The following MAPK6 variants were observed in gnomAD, a reference collection of about 807,000 sequenced individuals.
MAPK6 encodes the protein mitogen-activated protein kinase 6, also known as ERK-3.
A neutral mutation model predicts 59.3 loss-of-function variants in MAPK6; 19 were observed. That is an observed-to-expected ratio of 0.32 (90% CI 0.22 to 0.47). The LOEUF (loss-of-function observed/expected upper bound fraction) is 0.47. Ranked by LOEUF, MAPK6 falls within the 20% of genes least tolerant of loss-of-function variation. MAPK6 has a pLI of 1.00. For missense variants in MAPK6, 724 were observed against 847.9 expected (o/e 0.85, Z 1.81); for synonymous variants, 316 against 290.3 (o/e 1.09, Z -0.90).
At chr15:52,055,529 T>G (rs1254971013) in intron 3 of MAPK6, among the ~76,000 whole-genome samples, 1 of 152,208 alleles carries the variant, frequency 6.6e-6, no homozygotes, top group Non-Finnish European at 1.5e-5. Context: ...GTTTGTTTGT[T>G]TGTTTTGGAG....
upstream of MAPK6, among the ~76,000 whole-genome samples, chr15:52,018,447 A>G (rs2030344491): frequency 6.6e-6 from 1 of 152,234 alleles, no homozygotes; most frequent in Admixed American, 6.5e-5. Context: ...TTGAAAAAAT[A>G]TGCTGACCTG....
At chr15:52,005,974 C>A (rs959765289) in intron 3 of MAPK6, among the ~76,000 whole-genome samples, 2 of 152,132 alleles carry the variant, frequency 1.3e-5, no homozygotes, top group Non-Finnish European at 2.9e-5. Flanking sequence ...AACTACCAAG[C>A]AGATGGATCT....
intron 5 of MAPK6, among the ~76,000 whole-genome samples, chr15:52,062,926 A>C (rs980711432): frequency 8.5e-5 from 13 of 152,124 alleles, no homozygotes; most frequent in African/African-American, 3.1e-4. Context: ...TTTGGGAACC[A>C]CTAATGCCAA....
At chr15:52,020,216 C>G (rs2030469290) in intron 1 of MAPK6, among the ~76,000 whole-genome samples, 1 of 152,168 alleles carries the variant, frequency 6.6e-6, no homozygotes, top group Non-Finnish European at 1.5e-5. Flanking sequence ...TGAGTTGTGT[C>G]GAAAAGTAAA....
intron 5 of MAPK6, among the ~76,000 whole-genome samples, chr15:52,062,050 T>C (rs542944762): frequency 6.6e-6 from 1 of 152,074 alleles, no homozygotes; most frequent in African/African-American, 2.4e-5. Flanking sequence ...AAGTATTTGA[T>C]TCATATTAGA....
At chr15:52,000,144 G>T (rs1461671246) in intron 2 of MAPK6, among the ~76,000 whole-genome samples, 1 of 151,434 alleles carries the variant, frequency 6.6e-6, no homozygotes, top group African/African-American at 2.4e-5. Context: ...TCTCTGTGTT[G>T]CCCAGGGTTG....
intron 2 of MAPK6, among the ~76,000 whole-genome samples, chr15:51,992,352 A>C (rs1427537242): frequency 6.9e-6 from 1 of 144,996 alleles, no homozygotes; most frequent in African/African-American, 2.6e-5. Context: ...CCCAGGCTGG[A>C]GTGCAGTGGT....
rs1445242994 is a variant in MAPK6, at chr15:52,066,053, CATG to C, written c.*1056_*1058del. ...TCATTATTGTAGTTTGAAAGTTGTA[CATG>C]ATAAGACATTTTGTTTTTACTGTAT... On this transcript the variant is annotated 3_prime_UTR_variant, in exon 6 of 6. Transcript: ENST00000261845. 2.0e-5 allele frequency: 3 copies of C among 152,586 alleles called. No individual in the cohort carries two copies. The highest frequency in any genetic ancestry group is 1.9e-4 in the East Asian group (1 of 5,206). The allele number at this position is 152,586 out of a possible 1,614,324, so 9.5% of individuals were successfully genotyped here.
chr15:52,013,939 T>A lies in MAPK6; in HGVS notation c.-632+9537T>A, dbSNP rs550321093. 8.1e-4 allele frequency among the ~76,000 whole-genome samples: 124 copies of A among 152,316 alleles called. 2 individuals are homozygous for A. Among genetic ancestry groups the A allele is most frequent in the African/African-American group, 2.9e-3 (120 of 41,564 alleles). Reference sequence around the variant, plus strand: ...TCTCTTTAGTGTAAAATCCAAAAGTTTTGGCCTTGTAATCAAGGCCTTCTC... The same window carrying A: ...TCTCTTTAGTGTAAAATCCAAAAGTATTGGCCTTGTAATCAAGGCCTTCTC... On this transcript the variant is annotated intron_variant, in intron 3 of 7. Transcript: ENST00000691380.
rs1491390728 is a variant in MAPK6 at position 52,065,162 on chromosome 15, TGA to T, written c.*165_*166del. On this transcript the variant is annotated 3_prime_UTR_variant, in exon 6 of 6. Coordinates refer to ENST00000261845, the MANE Select transcript of MAPK6 (RefSeq NM_002748.4). ...AATCCAGACTTTCTTTTTCTACATGTGAGATAGTTTTCATTTTAACTGGCATG... is the reference window on the plus strand; with the variant it reads ...AATCCAGACTTTCTTTTTCTACATGTGATAGTTTTCATTTTAACTGGCATG... 2.7e-5 allele frequency: 17 copies of T among 619,244 alleles called. No individual in the cohort carries two copies. In the South Asian group the frequency reaches 3.9e-4, roughly 14 times the overall value. 38.4% of individuals were successfully genotyped at this position (619,244 alleles called of 1,614,324 possible).
Position 52,064,782 on chromosome 15 carries a change from G to T in MAPK6, c.1948G>T (p.Gly650Trp). The change falls in exon 6 of 6, where the codon GGG becomes TGG. Residue 650 changes from glycine to tryptophan, a missense_variant. Transcript: ENST00000261845. Reference protein sequence around the residue: ...EMLETEPVEDGKLGERGHEEG... With the variant: ...EMLETEPVEDWKLGERGHEEG... ...GCTAGAAACTGAGCCAGTAGAGGAT[G>T]GGAAGCTTGGGGAGAGAGGACATGA... 4 of 1,611,918 alleles carry T rather than the reference G, an allele frequency of 2.5e-6. No individual in the cohort carries two copies. Among genetic ancestry groups the T allele is most frequent in the Non-Finnish European group, 3.4e-6 (4 of 1,179,800 alleles).
chr15:52,011,725 A>G (rs967508902), intron 3 of MAPK6, among the ~76,000 whole-genome samples: 8 of 152,242 alleles, frequency 5.3e-5, no homozygotes, highest in African/African-American at 1.7e-4. Flanking sequence ...TTTACAGAAC[A>G]TAAGTACCAC....
intron 1 of MAPK6, among the ~76,000 whole-genome samples, chr15:52,043,866 A>C (rs965717884): frequency 7.3e-6 from 1 of 136,124 alleles, no homozygotes; most frequent in African/African-American, 2.8e-5. Flanking sequence ...ACCTCTACCT[A>C]CCTGGTTCAA....
At chr15:52,009,303 T>A (rs2029989428) in intron 3 of MAPK6, among the ~76,000 whole-genome samples, 1 of 152,224 alleles carries the variant, frequency 6.6e-6, no homozygotes, top group South Asian at 2.1e-4. Context: ...CTGAGACTAG[T>A]TATAGAAGGC....
intron 1 of MAPK6, among the ~76,000 whole-genome samples, chr15:52,044,655 G>C (rs2031541644): frequency 1.3e-5 from 2 of 151,162 alleles, no homozygotes; most frequent in Admixed American, 1.3e-4. Context: ...TTTTTTTCCA[G>C]GCTGGCTAGG....
chr15:51,984,919 G>A (rs1437303649), intron 2 of MAPK6, among the ~76,000 whole-genome samples: 1 of 152,110 alleles, frequency 6.6e-6, no homozygotes, highest in Non-Finnish European at 1.5e-5. Flanking sequence ...CTGTGAGTTT[G>A]TTTTGTTTTT....
chr15:51,991,239 A>T (rs2057207790), intron 2 of MAPK6, among the ~76,000 whole-genome samples: 1 of 152,100 alleles, frequency 6.6e-6, no homozygotes, highest in African/African-American at 2.4e-5. Flanking sequence ...ATATGTGTGT[A>T]TATATAGGCT....
intron 1 of MAPK6, among the ~76,000 whole-genome samples, chr15:52,029,387 A>C (rs940207780): frequency 6.6e-6 from 1 of 151,894 alleles, no homozygotes; most frequent in African/African-American, 2.4e-5. Context: ...GACAGGATAA[A>C]ACTCCTGGGT....
rs1166557907 is a variant in MAPK6 at position 52,065,062 on chromosome 15, C to T, written c.*62C>T. 19 of 1,448,184 alleles carry T rather than the reference C, an allele frequency of 1.3e-5. No individual in the cohort carries two copies. The highest frequency in any genetic ancestry group is 3.1e-5 in the South Asian group (2 of 65,046). 89.7% of individuals were successfully genotyped at this position (1,448,184 alleles called of 1,614,324 possible). ...AAATGTGTTTTGTCTTTTTTTATTA[C>T]TAGTGTTTAAGTCATTTTTTACTTG... is the stretch of plus-strand genomic sequence containing the variant. On this transcript the variant is annotated 3_prime_UTR_variant, in exon 6 of 6. Coordinates refer to ENST00000261845, the MANE Select transcript of MAPK6 (RefSeq NM_002748.4).
Sources: gnomAD v4.1 joint callset for allele counts (sites outside exome capture counted in the v4.1 genomes callset) on GRCh38, gnomAD v4.1.1 for gene constraint, MANE v1.5 for transcripts, NCBI Gene and HGNC (gene_info 2026-07-23, HGNC 2026-07-21) for gene names.